PRKCE: variants seen among roughly 807,000 people sequenced by gnomAD.
The protein encoded by PRKCE is protein kinase C epsilon, also known as protein kinase C epsilon type.
Under a neutral mutation model 85.4 loss-of-function variants are expected in PRKCE, and 16 were observed. The ratio of observed to expected loss-of-function variants is 0.19; its 90% confidence interval spans 0.13 to 0.28. The LOEUF is 0.28. Among genes scored for constraint, PRKCE ranks in the 10% least tolerant of loss-of-function variants. The pLI, the probability that PRKCE is intolerant of heterozygous loss-of-function variation, is 1.00. For missense variants in PRKCE, 573 were observed against 975.2 expected (o/e 0.59, Z 5.49); for synonymous variants, 388 against 371.5 (o/e 1.04, Z -0.51).
chr2:46,036,865 T>C (rs1707896523), intron 10 of PRKCE, among the ~76,000 whole-genome samples: 1 of 152,104 alleles, frequency 6.6e-6, no homozygotes, highest in South Asian at 2.1e-4. Context: ...AAGAGAGATG[T>C]CGGGGCTATG....
intron 2 of PRKCE, among the ~76,000 whole-genome samples, chr2:45,945,552 G>T (rs537093981): frequency 6.6e-6 from 1 of 152,162 alleles, no homozygotes; most frequent in Admixed American, 6.5e-5. Flanking sequence ...GAGGACAAAC[G>T]TCGAAACTAT....
intron 11 of PRKCE, among the ~76,000 whole-genome samples, chr2:46,091,972 C>T (rs1361839404): frequency 6.6e-6 from 1 of 152,196 alleles, no homozygotes; most frequent in African/African-American, 2.4e-5. Flanking sequence ...AAAATCTAAG[C>T]AGTGAAGAAA....
At chr2:46,061,859 C>CTTTTTCTTTTTTTTTTTT (rs1667165973) in intron 10 of PRKCE, among the ~76,000 whole-genome samples, 1 of 107,746 alleles carries the variant, frequency 9.3e-6, no homozygotes, top group African/African-American at 4.0e-5. Context: ...TTTTCTTTTT[C>CTTTTTCTTTTTTTTTTTT]TTTTTTTTTT....
In PRKCE at chr2:46,033,846, G is replaced by A. The variant is rs147385688; in HGVS notation, c.1437+23329G>A. On this transcript the variant is annotated intron_variant, in intron 10 of 14. Transcript: ENST00000306156. Reference sequence around the variant, plus strand: ...GGTGGCATTTCACCTGAGCCTGGAGGACTGTAGGATTTGCACTGATGACTC... The same window carrying A: ...GGTGGCATTTCACCTGAGCCTGGAGAACTGTAGGATTTGCACTGATGACTC... Among the ~76,000 whole-genome samples, 732 of 152,306 alleles carry A rather than the reference G, an allele frequency of 4.8e-3. 14 individuals are homozygous for A. The highest frequency in any genetic ancestry group is 3.7e-3 in the East Asian group (19 of 5,180).
intron 2 of PRKCE, among the ~76,000 whole-genome samples, chr2:45,949,854 G>A (rs1700503341): frequency 6.8e-6 from 1 of 147,472 alleles, no homozygotes; most frequent in African/African-American, 2.5e-5. Context: ...GTGAAATTTT[G>A]ATATTTGATA....
intron 2 of PRKCE, among the ~76,000 whole-genome samples, chr2:45,962,639 A>T (rs140178538): frequency 5.3e-5 from 8 of 152,326 alleles, no homozygotes; most frequent in Non-Finnish European, 8.8e-5. Context: ...TTTTCCCAAC[A>T]TTCTCATATC....
chr2:46,114,659 T>G (rs1279411925), intron 11 of PRKCE, among the ~76,000 whole-genome samples: 1 of 150,650 alleles, frequency 6.6e-6, no homozygotes, highest in Non-Finnish European at 1.5e-5. Context: ...GACCTCGTAA[T>G]CCGCCCGCCT....
chr2:45,889,781 T>C (rs1339958180), intron 2 of PRKCE, among the ~76,000 whole-genome samples: 1 of 152,206 alleles, frequency 6.6e-6, no homozygotes, highest in Non-Finnish European at 1.5e-5. Context: ...GTGAGCTTGA[T>C]ATTCTGGGAC....
intron 1 of PRKCE, among the ~76,000 whole-genome samples, chr2:45,746,635 T>C (rs930837646): frequency 4.6e-5 from 7 of 152,216 alleles, no homozygotes; most frequent in African/African-American, 1.7e-4. Flanking sequence ...CAAGGTATTA[T>C]ATCATTGCCC....
At chr2:46,122,426 G>A (rs1001082420) in intron 11 of PRKCE, among the ~76,000 whole-genome samples, 9 of 151,792 alleles carry the variant, frequency 5.9e-5, no homozygotes, top group African/African-American at 1.2e-4. Context: ...ACGGGGTTTC[G>A]CCATGTTGGC....
At chr2:45,744,475 TTCTTTCTTTCTTTTTC>T (rs1682918598) in intron 1 of PRKCE, among the ~76,000 whole-genome samples, 1 of 56,368 alleles carries the variant, frequency 1.8e-5, no homozygotes, top group Non-Finnish European at 3.6e-5. Flanking sequence ...CTTTCTTTCT[TTCTTTCTTTCTTTTTC>T]TTTCTTTCTT....
chr2:46,008,824 G>C (rs1227246304), intron 9 of PRKCE, among the ~76,000 whole-genome samples: 1 of 152,192 alleles, frequency 6.6e-6, no homozygotes, highest in African/African-American at 2.4e-5. Flanking sequence ...CGAGATTCTA[G>C]GTTTTCATAT....
chr2:45,699,035 C>G (rs923010723), intron 1 of PRKCE, among the ~76,000 whole-genome samples: 4 of 152,062 alleles, frequency 2.6e-5, no homozygotes, highest in African/African-American at 9.7e-5. Flanking sequence ...TTTTTTCTAG[C>G]TTCGTCTATT....
intron 1 of PRKCE, among the ~76,000 whole-genome samples, chr2:45,709,548 T>C (rs963606642): frequency 1.3e-5 from 2 of 151,944 alleles, no homozygotes; most frequent in African/African-American, 4.8e-5. Context: ...GCTCTAGGAG[T>C]TTTTAGAGTT....
chr2:45,798,075 G>T (rs1366291901), intron 1 of PRKCE, among the ~76,000 whole-genome samples: 1 of 152,174 alleles, frequency 6.6e-6, no homozygotes, highest in Non-Finnish European at 1.5e-5. Flanking sequence ...GGCGTGTCGG[G>T]TAGAGAGGCC....
intron 2 of PRKCE, among the ~76,000 whole-genome samples, chr2:45,917,975 G>A (rs1558832151): frequency 6.6e-6 from 1 of 152,186 alleles, no homozygotes; most frequent in Non-Finnish European, 1.5e-5. Flanking sequence ...CGAGTGCGGG[G>A]CCCGCCAAGC....
intron 2 of PRKCE, among the ~76,000 whole-genome samples, chr2:45,969,675 C>G (rs896533651): frequency 6.6e-6 from 1 of 152,204 alleles, no homozygotes; most frequent in East Asian, 1.9e-4. Flanking sequence ...GGGAGCACCT[C>G]ATTACCTAAT....
intron 11 of PRKCE, among the ~76,000 whole-genome samples, chr2:46,098,200 C>T (rs1265470857): frequency 6.6e-6 from 1 of 152,128 alleles, no homozygotes; most frequent in Non-Finnish European, 1.5e-5. Flanking sequence ...TGGTTAAGGG[C>T]ACAACTCTGG....
intron 1 of PRKCE, among the ~76,000 whole-genome samples, chr2:45,717,411 A>G (rs1680230228): frequency 6.6e-6 from 1 of 152,190 alleles, no homozygotes; most frequent in African/African-American, 2.4e-5. Flanking sequence ...TTTTCCATCT[A>G]TTTATCTATA....
Sources: gnomAD v4.1 joint callset for allele counts (sites outside exome capture counted in the v4.1 genomes callset) on GRCh38, gnomAD v4.1.1 for gene constraint, MANE v1.5 for transcripts, NCBI Gene and HGNC (gene_info 2026-07-23, HGNC 2026-07-21) for gene names.